The following PTPRD variants were observed in gnomAD, a reference collection of about 807,000 sequenced individuals.
PTPRD encodes protein tyrosine phosphatase receptor type D, also known as receptor-type tyrosine-protein phosphatase delta.
PTPRD carries 34 observed loss-of-function variants against 214.5 expected under a neutral mutation model. The observed-to-expected ratio is 0.16, with a 90% CI of 0.12 to 0.21. The LOEUF (loss-of-function observed/expected upper bound fraction) is 0.21. Ranked by LOEUF, PTPRD falls within the 10% of genes least tolerant of loss-of-function variation. PTPRD has a pLI of 1.00. For synonymous variants in PTPRD, 1,128 were observed against 845.7 expected, an observed-to-expected ratio of 1.33 and a Z score of -5.79; for missense variants, 2,545 against 2,398.7, an observed-to-expected ratio of 1.06 and a Z score of -1.27.
intron 11 of PTPRD, among the ~76,000 whole-genome samples, chr9:8,929,861 A>G (rs1389683986): frequency 2.7e-4 from 25 of 93,676 alleles, no homozygotes; most frequent in African/African-American, 7.7e-4. Flanking sequence ...ATATATGTGT[A>G]TATACATGTG....
chr9:9,230,721 C>T (rs1053317817), intron 9 of PTPRD, among the ~76,000 whole-genome samples: 6 of 151,964 alleles, frequency 3.9e-5, no homozygotes, highest in Non-Finnish European at 7.4e-5. Flanking sequence ...AGGAGTGTTG[C>T]GCATATAGAG....
chr9:8,693,896 T>C (rs556317151), intron 12 of PTPRD, among the ~76,000 whole-genome samples: 7 of 152,338 alleles, frequency 4.6e-5, no homozygotes, highest in African/African-American at 1.7e-4. Context: ...GACTTGTTAA[T>C]AGCCCTCAGA....
chr9:9,793,643 G>A (rs905076203), intron 5 of PTPRD, among the ~76,000 whole-genome samples: 6 of 151,674 alleles, frequency 4.0e-5, no homozygotes, highest in East Asian at 1.9e-4. Context: ...TGAATCAAGC[G>A]GGAAAAATTT....
chr9:10,503,222 AT>A (rs141389811), intron 2 of PTPRD, among the ~76,000 whole-genome samples: 1 of 143,920 alleles, frequency 6.9e-6, no homozygotes, highest in East Asian at 2.0e-4. Flanking sequence ...AAAAAACACC[AT>A]TTTTTTCCCA....
intron 9 of PTPRD, among the ~76,000 whole-genome samples, chr9:9,289,605 C>G (rs1950528793): frequency 6.6e-6 from 1 of 151,722 alleles, no homozygotes; most frequent in South Asian, 2.1e-4. Context: ...ACTTTGTACC[C>G]TTTGTACATC....
chr9:9,025,830 A>G (rs1487718703), intron 10 of PTPRD, among the ~76,000 whole-genome samples: 1 of 152,032 alleles, frequency 6.6e-6, no homozygotes, highest in Non-Finnish European at 1.5e-5. Context: ...GCGTGATTAG[A>G]AAAAAATGTA....
intron 36 of PTPRD, among the ~76,000 whole-genome samples, chr9:8,390,070 G>T (rs1017009934): frequency 1.3e-5 from 2 of 152,138 alleles, no homozygotes; most frequent in African/African-American, 4.8e-5. Context: ...CTCGTGATTT[G>T]TTGTAAGCAG....
At chr9:9,281,705 T>C (rs1368759519) in intron 9 of PTPRD, among the ~76,000 whole-genome samples, 1 of 151,242 alleles carries the variant, frequency 6.6e-6, no homozygotes, top group Non-Finnish European at 1.5e-5. Flanking sequence ...CTTACAGAAC[T>C]AAACATATTC....
At chr9:8,414,013 T>A (rs1055131935) in intron 35 of PTPRD, among the ~76,000 whole-genome samples, 4 of 152,156 alleles carry the variant, frequency 2.6e-5, no homozygotes, top group Non-Finnish European at 4.4e-5. Context: ...TGATGTTGTA[T>A]ATTTTGTATT....
chr9:9,136,334 A>T (rs1282337505), intron 10 of PTPRD, among the ~76,000 whole-genome samples: 1 of 152,140 alleles, frequency 6.6e-6, no homozygotes, highest in African/African-American at 2.4e-5. Flanking sequence ...TGTTGGTAGC[A>T]TTCTATAAAA....
At chr9:9,845,891 G>A (rs1004948162) in intron 5 of PTPRD, among the ~76,000 whole-genome samples, 2 of 152,066 alleles carry the variant, frequency 1.3e-5, no homozygotes, top group South Asian at 4.1e-4. Context: ...TCCATGTCCA[G>A]AGGAAGTTAA....
chr9:9,300,113 T>C (rs1954718385), intron 9 of PTPRD, among the ~76,000 whole-genome samples: 2 of 151,062 alleles, frequency 1.3e-5, no homozygotes, highest in Non-Finnish European at 3.0e-5. Context: ...GTTTGGTCTC[T>C]TGCCTTCTTC....
Position 8,857,471 on chromosome 9 carries a change from G to A in PTPRD, c.-103-123525C>T, listed in dbSNP as rs554294876. On this transcript the variant is annotated intron_variant, in intron 11 of 45. Coordinates refer to ENST00000381196, the MANE Select transcript of PTPRD (RefSeq NM_002839.4). Reference sequence around the variant, plus strand: ...GAGGACCTCTGCCCGAGGAGGTCCAGAGGAGCAAACTGTGCGCTCCGGTGC... The same window carrying A: ...GAGGACCTCTGCCCGAGGAGGTCCAAAGGAGCAAACTGTGCGCTCCGGTGC... Among the ~76,000 whole-genome samples the A allele has an allele frequency of 1.8e-3, 276 of 152,314 alleles. 1 individual carries two copies. Among genetic ancestry groups the A allele is most frequent in the Non-Finnish European group, 2.6e-3 (179 of 68,026 alleles).
intron 45 of PTPRD, among the ~76,000 whole-genome samples, chr9:8,319,030 G>A (rs1456568922): frequency 6.6e-6 from 1 of 152,002 alleles, no homozygotes; most frequent in Admixed American, 6.6e-5. Flanking sequence ...TGAGTGTTAA[G>A]GCTTTTTAAA....
intron 5 of PTPRD, among the ~76,000 whole-genome samples, chr9:9,911,870 T>A (rs908610124): frequency 6.6e-6 from 1 of 152,136 alleles, no homozygotes; most frequent in African/African-American, 2.4e-5. Context: ...AAACTAAATC[T>A]TCAAAAGTGG....
chr9:8,726,910 G>A (rs1565597453), intron 12 of PTPRD, among the ~76,000 whole-genome samples: 1 of 151,620 alleles, frequency 6.6e-6, no homozygotes, highest in Non-Finnish European at 1.5e-5. Context: ...AGTGGAGGTT[G>A]CAGTGAGCGG....
chr9:8,533,702 G>T (rs1191756677), intron 14 of PTPRD, among the ~76,000 whole-genome samples: 1 of 151,976 alleles, frequency 6.6e-6, no homozygotes, highest in African/African-American at 2.4e-5. Flanking sequence ...TAGTTAGTAT[G>T]TAAGTGTGAA....
intron 8 of PTPRD, among the ~76,000 whole-genome samples, chr9:9,519,883 G>T (rs2154253490): frequency 6.6e-6 from 1 of 152,146 alleles, no homozygotes; most frequent in East Asian, 1.9e-4. Flanking sequence ...AGAAAGGGCT[G>T]GAAAAGCCTT....
intron 5 of PTPRD, among the ~76,000 whole-genome samples, chr9:9,896,855 T>C (rs1661670472): frequency 6.6e-6 from 1 of 152,018 alleles, no homozygotes. Context: ...AAATAACATA[T>C]TAGAAAAATC....
Sources: allele counts gnomAD v4.1 joint callset (sites outside exome capture counted in the v4.1 genomes callset), GRCh38; gene constraint gnomAD v4.1.1; transcripts MANE v1.5; gene names NCBI Gene and HGNC (gene_info 2026-07-23, HGNC 2026-07-21).